Variants in DNAJC11 observed in about 807,000 individuals in gnomAD.
DNAJC11 encodes dnaJ homolog subfamily C member 11.
Under a neutral mutation model 78.6 loss-of-function variants are expected in DNAJC11, and 15 were observed. The observed-to-expected ratio is 0.19, with a 90% CI of 0.13 to 0.29. The LOEUF (loss-of-function observed/expected upper bound fraction) is 0.29, where lower values mean the gene tolerates loss of function less well. Ranked by LOEUF, DNAJC11 falls within the 10% of genes least tolerant of loss-of-function variation. The pLI, the probability that DNAJC11 is intolerant of heterozygous loss-of-function variation, is 1.00. For synonymous variants in DNAJC11, 292 were observed against 272.1 expected (o/e 1.07, Z -0.72); for missense variants, 547 against 709.6 (o/e 0.77, Z 2.60).
chr1:6,664,024 G>GT (rs1642257787), intron 4 of DNAJC11, among the ~76,000 whole-genome samples: 1 of 152,174 alleles, frequency 6.6e-6, no homozygotes, highest in Admixed American at 6.5e-5. Flanking sequence ...TCCTGCATGT[G>GT]TGTGTGTGTG....
In DNAJC11 at chr1:6,636,092, TGACTGC is replaced by T. The variant is rs1280575311; in HGVS notation, c.1654+19_1654+24del. On this transcript the variant is annotated intron_variant, in intron 15 of 15. Transcript: ENST00000377577. ...CGAGGTCCCCGCCCCCGTTAGCTGG[TGACTGC>T]GAAGGGACGGCTACTCACACTGCTT... The T allele has an allele frequency of 1.2e-6, 2 of 1,604,744 alleles. No homozygotes were observed. Among genetic ancestry groups the T allele is most frequent in the Admixed American group, 3.4e-5 (2 of 58,714 alleles).
At chr1:6,695,856 T>C (rs973392885) in intron 1 of DNAJC11, among the ~76,000 whole-genome samples, 4 of 151,892 alleles carry the variant, frequency 2.6e-5, no homozygotes, top group East Asian at 1.9e-4. Context: ...TTACTAGCGT[T>C]GAAGCATAGA....
At position 6,641,377 on chromosome 1, in the gene DNAJC11, CAAAAA is replaced by C. The variant is rs138659014; in HGVS notation, c.1098-1325_1098-1321del. ...GGGTGCAAGAGCGAAACTCCGTCTC[CAAAAA>C]AAAAAAAAATATATATATATATATA... On this transcript the variant is annotated intron_variant, in intron 10 of 15. Coordinates refer to ENST00000377577, the MANE Select transcript of DNAJC11 (RefSeq NM_018198.4). Among the ~76,000 whole-genome samples the C allele has an allele frequency of 2.3e-4, 25 of 106,718 alleles. 1 individual carries two copies. The highest frequency in any genetic ancestry group is 8.5e-4 in the African/African-American group (23 of 27,214). The allele number at this position is 106,718 out of a possible 152,430, so 70.0% of individuals were successfully genotyped here. A position where few individuals can be genotyped will look rare whatever the true frequency, so the allele number is the denominator to read the frequency against.
At position 6,637,476 on chromosome 1, in the gene DNAJC11, C is replaced by T; in HGVS notation, c.1352G>A (p.Arg451Lys). 1 of 1,614,218 alleles carries T rather than the reference C, an allele frequency of 6.2e-7. No homozygotes were observed. Among genetic ancestry groups the T allele is most frequent in the Non-Finnish European group, 8.5e-7 (1 of 1,180,040 alleles). The change falls in exon 13 of 16, where the codon AGG becomes AAG. Residue 451 changes from arginine to lysine, a missense_variant. Physicochemically the swap from Arg to Lys is conservative, Grantham distance 26. Coordinates refer to ENST00000377577, the MANE Select transcript of DNAJC11 (RefSeq NM_018198.4). ...TCTGGACTCTTCTGCCTCAATTATC[C>T]TTCGGACAGATTCCTGCATCAGCCG... ...AVRLMQESVR[R>K]IIEAEESRMG...
chr1:6,657,861 G>A (rs184375473), intron 4 of DNAJC11, among the ~76,000 whole-genome samples: 144 of 150,598 alleles, frequency 9.6e-4, no homozygotes, highest in African/African-American at 3.3e-3. Flanking sequence ...TAGCCAGGAT[G>A]GTCTCGATCT....
chr1:6,652,026 T>C (rs1642064398), intron 6 of DNAJC11, among the ~76,000 whole-genome samples: 1 of 149,676 alleles, frequency 6.7e-6, no homozygotes. Flanking sequence ...CTGCGCCAAA[T>C]GTCTCCCAGG....
At chr1:6,660,715 C>T (rs575431370) in intron 4 of DNAJC11, among the ~76,000 whole-genome samples, 8 of 152,304 alleles carry the variant, frequency 5.3e-5, no homozygotes, top group Admixed American at 3.3e-4. Flanking sequence ...TCCCCCCTTT[C>T]GTAGCTAGCA....
chr1:6,636,298 A>T (rs762883569), intron 14 of DNAJC11, 52 bp from the exon 15 acceptor site: 4 of 1,601,922 alleles, frequency 2.5e-6, no homozygotes, highest in Non-Finnish European at 2.6e-6. Context: ...TAAGACCAGC[A>T]CTCCTCCTCA....
At chr1:6,675,051 G>A (rs1170285423) in intron 3 of DNAJC11, among the ~76,000 whole-genome samples, 1 of 152,200 alleles carries the variant, frequency 6.6e-6, no homozygotes, top group African/African-American at 2.4e-5. Context: ...TGCAGTGAGA[G>A]AATCCTCATA....
At chr1:6,662,076 C>T (rs1024922064) in intron 4 of DNAJC11, among the ~76,000 whole-genome samples, 42 of 151,226 alleles carry the variant, frequency 2.8e-4, no homozygotes, top group Admixed American at 7.9e-4. Context: ...CTCAGCCTCC[C>T]GAGTAGCTGG....
rs762339154 is a variant in DNAJC11, at chr1:6,634,504, G to A, written c.*1171C>T. The A allele has an allele frequency of 7.4e-7, 1 of 1,349,218 alleles. No individual in the cohort carries two copies. Among genetic ancestry groups the A allele is most frequent in the Admixed American group, 2.0e-5 (1 of 50,224 alleles). 83.6% of individuals were successfully genotyped at this position (1,349,218 alleles called of 1,614,324 possible). On this transcript the variant is annotated 3_prime_UTR_variant, in exon 16 of 16. Transcript: ENST00000377577. ...GGTGGGCTGGAGGCCGGCGCAGCTT[G>A]GGGCCCCCCGCGCCAGCTGTCTCAG...
intron 1 of DNAJC11, among the ~76,000 whole-genome samples, chr1:6,697,182 A>C (rs1642850856): frequency 1.3e-5 from 2 of 152,186 alleles, no homozygotes; most frequent in African/African-American, 4.8e-5. Context: ...TCTCAGTGTG[A>C]GGCAGGCACG....
chr1:6,656,097 G>A (rs1197222030), intron 4 of DNAJC11, among the ~76,000 whole-genome samples: 6 of 48,834 alleles, frequency 1.2e-4, no homozygotes, highest in Admixed American at 5.8e-4. Flanking sequence ...ACAAGACTCC[G>A]TCTAAAAAAA....
intron 3 of DNAJC11, among the ~76,000 whole-genome samples, chr1:6,672,145 T>C (rs2148743621): frequency 6.6e-6 from 1 of 152,304 alleles, no homozygotes; most frequent in East Asian, 1.9e-4. Context: ...TGGATAGAAA[T>C]TTTATAATTG....
At chr1:6,676,843 C>G (rs1332064684) in intron 3 of DNAJC11, among the ~76,000 whole-genome samples, 2 of 152,092 alleles carry the variant, frequency 1.3e-5, no homozygotes, top group East Asian at 3.9e-4. Context: ...GATGCCAGAA[C>G]TGGAAGAGAC....
Position 6,652,868 on chromosome 1 carries a change from A to C in DNAJC11, c.591T>G (p.Phe197Leu), listed in dbSNP as rs753687211. The C allele has an allele frequency of 2.5e-6, 4 of 1,614,050 alleles. No homozygotes were observed. Among genetic ancestry groups the C allele is most frequent in the Admixed American group, 1.7e-5 (1 of 59,994 alleles). Residue 197 changes from phenylalanine to leucine, a missense_variant, in exon 6 of 16, where the codon TTT (phenylalanine) becomes TTG (leucine). Phe to Leu is a conservative substitution (Grantham distance 22). Transcript: ENST00000377577. ...TTGCCGAAGTTACTCGTCTGAGCGC[A>C]AAGTTAATGGAACCTCCTCCATTTC... ...QNGNGGGSIN[F>L]ALRRVTSAKG...
intron 10 of DNAJC11, among the ~76,000 whole-genome samples, chr1:6,641,469 AT>A (rs1641877067): frequency 1.5e-5 from 2 of 132,750 alleles, no homozygotes; most frequent in South Asian, 5.7e-4. Flanking sequence ...GGTAAAAAAA[AT>A]AAATAGTAAG....
At chr1:6,674,156 C>T (rs1317657091) in intron 3 of DNAJC11, among the ~76,000 whole-genome samples, 1 of 152,204 alleles carries the variant, frequency 6.6e-6, no homozygotes, top group Non-Finnish European at 1.5e-5. Flanking sequence ...ACAAACATCA[C>T]TAACCAACCT....
Position 6,644,668 on chromosome 1 carries a change from G to T in DNAJC11, c.987C>A (p.Gly329=), listed in dbSNP as rs1422794683. 6 of 1,613,888 alleles carry T rather than the reference G, an allele frequency of 3.7e-6. No individual in the cohort carries two copies. Among genetic ancestry groups the T allele is most frequent in the Non-Finnish European group, 5.1e-6 (6 of 1,179,868 alleles). Residue 329 remains glycine (G), a synonymous_variant, in exon 10 of 16, where the codon GGC becomes GGA. Transcript: ENST00000377577. ...CGTACTCCACCACCGTCCCAAAGAAGCCTGCTCTGCAGGGAGAGAACGCGG... is the reference window on the plus strand; with the variant it reads ...CGTACTCCACCACCGTCCCAAAGAATCCTGCTCTGCAGGGAGAGAACGCGG... ...QTRVKGSLKA[G]FFGTVVEYGA...
Sources: gnomAD v4.1 joint callset for allele counts (sites outside exome capture counted in the v4.1 genomes callset) on GRCh38, gnomAD v4.1.1 for gene constraint, MANE v1.5 for transcripts, NCBI Gene and HGNC (gene_info 2026-07-23, HGNC 2026-07-21) for gene names.